Variants in STRN4 observed in about 807,000 individuals in gnomAD.
The protein encoded by STRN4 is striatin 4, also known as striatin-4.
In STRN4, 27 loss-of-function variants were observed where a neutral mutation model predicts 77.9. The observed-to-expected ratio is 0.35, with a 90% CI of 0.26 to 0.48. The LOEUF is 0.48. Ranked by LOEUF, STRN4 falls within the 20% of genes least tolerant of loss-of-function variation. The pLI is 0.99. For missense variants in STRN4, 798 were observed against 1,049.7 expected, an observed-to-expected ratio of 0.76 and a Z score of 3.31; for synonymous variants, 466 against 443.1, an observed-to-expected ratio of 1.05 and a Z score of -0.65.
rs533183450 is a variant in STRN4 at position 46,722,725 on chromosome 19, G to A, written c.1906+85C>T. On this transcript the variant is annotated intron_variant, in intron 14 of 17. Transcript: ENST00000263280. ...TGCAGGGGAGTCATCTGAGCTGACT[G>A]ACAAGGGGTCGCCAAAGCCCCAGGA... 5 of 1,572,518 alleles carry A rather than the reference G, an allele frequency of 3.2e-6. No homozygotes were observed. In the African/African-American group the frequency reaches 5.4e-5, roughly 17 times the overall value.
chr19:46,730,694 C>G (rs777483569), intron 6 of STRN4, 38 bp downstream of exon 6: 5 of 1,607,250 alleles, frequency 3.1e-6, no homozygotes, highest in South Asian at 2.2e-5. Context: ...CAGGTCACAC[C>G]CAGGCCAGGC....
chr19:46,721,746 G>A, intron 16 of STRN4: 1 of 502,272 alleles, frequency 2.0e-6, no homozygotes, highest in Non-Finnish European at 3.6e-6. Context: ...GTAAACTGGG[G>A]ATCAAAGTAC....
At position 46,724,882 on chromosome 19, in the gene STRN4, A is replaced by AT; in HGVS notation, c.1518_1519insA (p.Tyr507IlefsTer11). 1 of 1,614,078 alleles carries AT rather than the reference A, an allele frequency of 6.2e-7. No homozygotes were observed. Among genetic ancestry groups the AT allele is most frequent in the Non-Finnish European group, 8.5e-7 (1 of 1,180,048 alleles). On this transcript the variant is annotated frameshift_variant, in exon 12 of 18. Transcript: ENST00000263280. LOFTEE classifies it high-confidence loss of function. ...ATGCAGGCATCTGCCCCGCCACTGT[A>AT]GCAGTATTCACTGTTGCTGCCCATA...
At chr19:46,745,963 G>T in intron 1 of STRN4, 186 bp downstream of exon 1, 1 of 471,090 alleles carries the variant, frequency 2.1e-6, no homozygotes, top group Non-Finnish European at 3.0e-6. Context: ...GTCCCACCCC[G>T]GAGTGCCCTC....
At position 46,724,164 on chromosome 19, in the gene STRN4, C is replaced by T. The variant is rs568962062; in HGVS notation, c.1594+643G>A. ...TCGGGAGGCTGAGGCACGAGAATCA[C>T]TTGAACCCAGGAGGTAGAGGTTGCA... On this transcript the variant is annotated intron_variant, in intron 12 of 17. Coordinates refer to ENST00000263280, the MANE Select transcript of STRN4 (RefSeq NM_013403.3). Among the ~76,000 whole-genome samples the T allele has an allele frequency of 6.8e-5, 10 of 146,994 alleles. No homozygotes were observed. The East Asian group carries it at 2.1e-3, about 31-fold the overall frequency.
Position 46,722,030 on chromosome 19 carries a change from G to A in STRN4, c.2048C>T (p.Thr683Ile). The stretch of plus-strand genomic sequence containing the variant: ...GCCGTTGGGGTCCACGGCTAGGCAG[G>A]TGACTGCGTCCAGGTGTGCAACCAT... ...HSMVAHLDAV[T>I]CLAVDPNGAF... The change falls in exon 16 of 18, where the codon ACC becomes ATC. Residue 683 changes from threonine (T) to isoleucine (I), a missense_variant. This residue lies in a region of STRN4 where 287 missense variants were observed against 473.8 expected (regional missense o/e 0.61). Transcript: ENST00000263280. 1 of 1,613,658 alleles carries A rather than the reference G, an allele frequency of 6.2e-7. No individual in the cohort carries two copies. The highest frequency in any genetic ancestry group is 1.6e-4 in the Middle Eastern group (1 of 6,062).
intron 1 of STRN4, among the ~76,000 whole-genome samples, chr19:46,745,045 A>C (rs767277205): frequency 7.0e-5 from 9 of 129,086 alleles, no homozygotes; most frequent in African/African-American, 1.2e-4. Context: ...ACCCCAGTCT[A>C]CCCCCGTTCC....
At position 46,724,674 on chromosome 19, in the gene STRN4, C is replaced by T. The variant is rs1205738978; in HGVS notation, c.1594+133G>A. 14 of 1,364,488 alleles carry T rather than the reference C, an allele frequency of 1.0e-5. No homozygotes were observed. In the East Asian group the frequency reaches 2.8e-4, roughly 28 times the overall value. 84.5% of individuals were successfully genotyped at this position (1,364,488 alleles called of 1,614,324 possible). On this transcript the variant is annotated intron_variant, in intron 12 of 17. Coordinates refer to ENST00000263280, the MANE Select transcript of STRN4 (RefSeq NM_013403.3). ...CTGCATCGCGCTGCTCACAACAGAG[C>T]AGACAGGGGAGCCGTCACACGCACT...
intron 1 of STRN4, among the ~76,000 whole-genome samples, chr19:46,745,444 C>A (rs1269852842): frequency 6.6e-6 from 1 of 152,142 alleles, no homozygotes; most frequent in East Asian, 1.9e-4. Context: ...CATCCTGGAC[C>A]CCTTGAAACC....
At chr19:46,725,832 C>T in intron 9 of STRN4, 184 bp from the exon 10 acceptor site, 1 of 728,004 alleles carries the variant, frequency 1.4e-6, no homozygotes, top group Non-Finnish European at 2.2e-6. Flanking sequence ...CCATGCTCGC[C>T]CAACAAGTCC....
intron 1 of STRN4, among the ~76,000 whole-genome samples, chr19:46,745,115 C>A (rs2054554313): frequency 6.6e-6 from 1 of 151,802 alleles, no homozygotes; most frequent in African/African-American, 2.4e-5. Flanking sequence ...AAGCATCACC[C>A]CAGGGTAACC....
At chr19:46,722,364 G>T in intron 14 of STRN4, 24 bp from the exon 15 acceptor site, 2 of 1,608,700 alleles carry the variant, frequency 1.2e-6, no homozygotes, top group Non-Finnish European at 1.7e-6. Flanking sequence ...CAGGAAGAGG[G>T]AAGGATGTCA....
At position 46,733,117 on chromosome 19, in the gene STRN4, G is replaced by A. The variant is rs1192369968; in HGVS notation, c.659C>T (p.Pro220Leu). ...NGAVEPSEGA[P>L]RAPPGPAGLS... ...CCCTGCAGGGCCTGGTGGAGCCCTG[G>A]GGGCCCCTTCACTCGGCTCCACTGC... is the stretch of plus-strand genomic sequence containing the variant. Residue 220 changes from proline to leucine, a missense_variant, in exon 5 of 18, where the codon CCC becomes CTC. Physicochemically the swap from Pro to Leu is moderately conservative, Grantham distance 98. Around this residue, in one of 2 missense-constraint regions of STRN4, gnomAD observed 511 missense variants for 575.9 expected, o/e 0.89. Transcript: ENST00000263280. This position sits in a 1 kb window ranked among gnomAD's most constrained non-coding sequence, Gnocchi z 4.3. 2 of 1,612,966 alleles carry A rather than the reference G, an allele frequency of 1.2e-6. No homozygotes were observed. Among genetic ancestry groups the A allele is most frequent in the Non-Finnish European group, 1.7e-6 (2 of 1,179,956 alleles).
At position 46,723,082 on chromosome 19, in the gene STRN4, C is replaced by CTCCAG. The variant is rs1568388220; in HGVS notation, c.1765+27_1765+31dup. 1 of 1,562,626 alleles carries CTCCAG rather than the reference C, an allele frequency of 6.4e-7. No homozygotes were observed. Among genetic ancestry groups the CTCCAG allele is most frequent in the Non-Finnish European group, 8.7e-7 (1 of 1,154,014 alleles). On this transcript the variant is annotated intron_variant, in intron 13 of 17. Coordinates refer to ENST00000263280, the MANE Select transcript of STRN4 (RefSeq NM_013403.3). This position sits in a 1 kb window ranked among gnomAD's most constrained non-coding sequence, Gnocchi z 5.5. The stretch of plus-strand genomic sequence containing the variant: ...CTGATAGCCTCCAGATCCCGCACAG[C>CTCCAG]TCCAGGGTGAGGCACCGGGGCCCCC...
At chr19:46,736,477 A>G (rs2054364431) in intron 4 of STRN4, 1 of 228,436 alleles carries the variant, frequency 4.4e-6, no homozygotes, top group Non-Finnish European at 7.9e-6. Flanking sequence ...ATAAAAAGCC[A>G]TGCTTCATAA....
At chr19:46,746,118 T>TG in intron 1 of STRN4, 31 bp downstream of exon 1, 2 of 1,373,066 alleles carry the variant, frequency 1.5e-6, no homozygotes, top group Non-Finnish European at 1.9e-6. Context: ...CGGGCCGGGT[T>TG]GGGGGTCGGG....
At chr19:46,722,221 G>A in intron 15 of STRN4, 21 bp downstream of exon 15, 1 of 1,612,692 alleles carries the variant, frequency 6.2e-7, no homozygotes, top group Non-Finnish European at 8.5e-7. Flanking sequence ...CCCACTACGA[G>A]CACAAGGGGC....
At position 46,733,861 on chromosome 19, in the gene STRN4, C is replaced by G. The variant is rs1204534390; in HGVS notation, c.540-625G>C. 6.6e-6 allele frequency: 1 copy of G among 152,112 alleles called. No homozygotes were observed. Among genetic ancestry groups the G allele is most frequent in the Admixed American group, 6.6e-5 (1 of 15,266 alleles). The allele number at this position is 152,112 out of a possible 1,614,324, so 9.4% of individuals were successfully genotyped here. A position where few individuals can be genotyped will look rare whatever the true frequency, so the allele number is the denominator to read the frequency against. On this transcript the variant is annotated intron_variant, in intron 4 of 17. Transcript: ENST00000263280. The surrounding 1 kb of genome is among the most constrained non-coding windows in gnomAD (Gnocchi z 4.3). ...TACTTCTGCAATTTAAAAACTGAAGCCAGCTGGGACTGGACTAAAAGTAAA... is the reference window on the plus strand; with the variant it reads ...TACTTCTGCAATTTAAAAACTGAAGGCAGCTGGGACTGGACTAAAAGTAAA...
At position 46,746,434 on chromosome 19, in the gene STRN4, G is replaced by A. The variant is rs1403623446; in HGVS notation, c.-4C>T. The A allele has an allele frequency of 3.0e-6, 3 of 1,014,218 alleles. No homozygotes were observed. Among genetic ancestry groups the A allele is most frequent in the East Asian group, 9.8e-5 (1 of 10,206 alleles). The allele number at this position is 1,014,218 out of a possible 1,614,324, so 62.8% of individuals were successfully genotyped here. A position where few individuals can be genotyped will look rare whatever the true frequency, so the allele number is the denominator to read the frequency against. ...CGGCCGCTCGCTCCTCCATCATGGA[G>A]GCCCCGGGGCCGGCCTGCGCGCCCG... On this transcript the variant is annotated 5_prime_UTR_variant, in exon 1 of 18. Transcript: ENST00000263280.
Sources: gnomAD v4.1 joint callset for allele counts (sites outside exome capture counted in the v4.1 genomes callset) on GRCh38, gnomAD v4.1.1 for gene constraint, gnomAD v4.1.1 regional missense constraint, Gnocchi (gnomAD v3.1) non-coding constraint, MANE v1.5 for transcripts, NCBI Gene and HGNC (gene_info 2026-07-23, HGNC 2026-07-21) for gene names.